EXTL3: variants seen among roughly 807,000 people sequenced by gnomAD.
EXTL3 encodes exostosin like glycosyltransferase 3.
Under a neutral mutation model 69.3 loss-of-function variants are expected in EXTL3, and 27 were observed. That is an observed-to-expected ratio of 0.39 (90% CI 0.29 to 0.54). The LOEUF (loss-of-function observed/expected upper bound fraction) is 0.54. Among genes scored for constraint, EXTL3 ranks in the 20% least tolerant of loss-of-function variants. The pLI, the probability that EXTL3 is intolerant of heterozygous loss-of-function variation, is 0.69. For missense variants in EXTL3, 1,003 were observed against 1,231.8 expected, an observed-to-expected ratio of 0.81 and a Z score of 2.78; for synonymous variants, 511 against 499.4, an observed-to-expected ratio of 1.02 and a Z score of -0.31.
At chr8:28,724,063 G>A (rs927513963) in intron 3 of EXTL3, among the ~76,000 whole-genome samples, 13 of 151,560 alleles carry the variant, frequency 8.6e-5, no homozygotes, top group African/African-American at 2.9e-4. Flanking sequence ...TATAGAAAAT[G>A]TATAAAAATT....
chr8:28,743,059 A>G lies in EXTL3; in HGVS notation c.2422-27A>G. 3.1e-6 allele frequency: 5 copies of G among 1,613,800 alleles called. No homozygotes were observed. The South Asian group carries it at 4.4e-5, about 14-fold the overall frequency. On this transcript the variant is annotated intron_variant, in intron 5 of 6. Coordinates refer to ENST00000220562, the MANE Select transcript of EXTL3 (RefSeq NM_001440.4). ...AACAACCTGTGTCTTGTAACAGAGC[A>G]TGTGGTTCTTTTTCTTCCCCTGACA...
At chr8:28,622,272 G>A (rs1266578836), upstream of EXTL3, among the ~76,000 whole-genome samples, 1 of 152,238 alleles carries the variant, frequency 6.6e-6, no homozygotes, top group Non-Finnish European at 1.5e-5. Context: ...CTAAGCATCC[G>A]GCTCATTTTC....
intron 1 of EXTL3, among the ~76,000 whole-genome samples, chr8:28,678,917 C>G (rs1000670695): frequency 6.6e-6 from 1 of 152,150 alleles, no homozygotes; most frequent in Non-Finnish European, 1.5e-5. Context: ...AGTGATAAAA[C>G]AAATACCAGG....
At chr8:28,661,571 C>T (rs1807116134) in intron 1 of EXTL3, among the ~76,000 whole-genome samples, 1 of 151,726 alleles carries the variant, frequency 6.6e-6, no homozygotes, top group Non-Finnish European at 1.5e-5. Context: ...GATATTAAGG[C>T]TGTATGTTAT....
intron 1 of EXTL3, among the ~76,000 whole-genome samples, chr8:28,651,638 A>T (rs1020313518): frequency 1.3e-5 from 2 of 152,170 alleles, no homozygotes; most frequent in Non-Finnish European, 2.9e-5. Flanking sequence ...AACAGTCTCT[A>T]ATTCCTGTAT....
chr8:28,618,985 G>A (rs1806365854), upstream of EXTL3, among the ~76,000 whole-genome samples: 1 of 150,594 alleles, frequency 6.6e-6, no homozygotes, highest in Non-Finnish European at 1.5e-5. Context: ...CCAGCTACTA[G>A]GGAGGCTGAG....
In EXTL3 at chr8:28,751,254, T is replaced by G; in HGVS notation, c.*388T>G. 1 of 251,356 alleles carries G rather than the reference T, an allele frequency of 4.0e-6. No individual in the cohort carries two copies. The highest frequency in any genetic ancestry group is 7.9e-6 in the Non-Finnish European group (1 of 127,368). 15.6% of individuals were successfully genotyped at this position (251,356 alleles called of 1,614,324 possible). ...TTGCCATTCAAGGCTTATTTATATATATGTGTGTGTATATAAATACATGCA... is the reference window on the plus strand; with the variant it reads ...TTGCCATTCAAGGCTTATTTATATAGATGTGTGTGTATATAAATACATGCA... On this transcript the variant is annotated 3_prime_UTR_variant, in exon 7 of 7. Transcript: ENST00000220562.
chr8:28,661,434 A>G (rs970487104), intron 1 of EXTL3, among the ~76,000 whole-genome samples: 2 of 152,082 alleles, frequency 1.3e-5, no homozygotes, highest in Non-Finnish European at 2.9e-5. Flanking sequence ...GCATATGAAT[A>G]GATAAGTATA....
chr8:28,669,519 G>A (rs1315061644), intron 1 of EXTL3, among the ~76,000 whole-genome samples: 3 of 152,228 alleles, frequency 2.0e-5, no homozygotes, highest in African/African-American at 7.2e-5. Context: ...ATGTCTGAGA[G>A]CTTTCAGAAG....
intron 1 of EXTL3, among the ~76,000 whole-genome samples, chr8:28,678,992 C>G (rs140488309): frequency 6.6e-6 from 1 of 152,280 alleles, no homozygotes; most frequent in African/African-American, 2.4e-5. Context: ...TCCCTTATAC[C>G]AGCTTCTTTG....
In EXTL3 at chr8:28,716,552, G is replaced by C. The variant is rs375243395; in HGVS notation, c.493G>C (p.Asp165His). 6.2e-7 allele frequency: 1 copy of C among 1,614,158 alleles called. No homozygotes were observed. The highest frequency in any genetic ancestry group is 8.5e-7 in the Non-Finnish European group (1 of 1,180,042). ...CATCCGACTGCTCCCAGAGAAGGAC[G>C]ATGCCGGCCTCCCTCCCCCGAAGGC... is the stretch of plus-strand genomic sequence containing the variant. ...LPIRLLPEKD[D>H]AGLPPPKATR... Residue 165 changes from aspartate (D) to histidine (H), a missense_variant, in exon 3 of 7, where the codon GAT becomes CAT. Coordinates refer to ENST00000220562, the MANE Select transcript of EXTL3 (RefSeq NM_001440.4). This position sits in a 1 kb window ranked among gnomAD's most constrained non-coding sequence, Gnocchi z 7.1.
At chr8:28,668,655 A>G (rs1252188953) in intron 1 of EXTL3, among the ~76,000 whole-genome samples, 1 of 151,858 alleles carries the variant, frequency 6.6e-6, no homozygotes, top group Admixed American at 6.6e-5. Context: ...TTAACTATTG[A>G]TGTTATTATT....
intron 1 of EXTL3, among the ~76,000 whole-genome samples, chr8:28,650,799 T>C (rs1350697131): frequency 6.6e-6 from 1 of 152,210 alleles, no homozygotes; most frequent in African/African-American, 2.4e-5. Flanking sequence ...GGGCTAATAT[T>C]ATACAGTCTA....
At position 28,709,687 on chromosome 8, in the gene EXTL3, T is replaced by G. The variant is rs1015563414; in HGVS notation, c.-569-3770T>G. ...AAGTTTCAATATCAGTGTTTTAGTT[T>G]TACAAGGAGAAAAGTCGAGTCTGTA... On this transcript the variant is annotated intron_variant, in intron 1 of 6. Transcript: ENST00000220562. Among the ~76,000 whole-genome samples, 146 of 152,316 alleles carry G rather than the reference T, an allele frequency of 9.6e-4. 1 individual carries two copies. Among genetic ancestry groups the G allele is most frequent in the African/African-American group, 3.2e-3 (132 of 41,558 alleles).
intron 1 of EXTL3, among the ~76,000 whole-genome samples, chr8:28,664,957 C>T (rs1394839979): frequency 6.6e-6 from 1 of 151,758 alleles, no homozygotes; most frequent in Non-Finnish European, 1.5e-5. Context: ...CTTTGGAATT[C>T]CTATGAAAGG....
rs184111930 is a variant in EXTL3, at chr8:28,735,984, C to T, written c.2277-1535C>T. 4.6e-5 allele frequency among the ~76,000 whole-genome samples: 7 copies of T among 152,170 alleles called. No homozygotes were observed. In the East Asian group the frequency reaches 1.4e-3, roughly 29 times the overall value. ...GAGACGGAGAGTAGAATAGGGGCTG[C>T]CGGGCTGTGGGAAGGTGGGAGTGGG... is the stretch of plus-strand genomic sequence containing the variant. On this transcript the variant is annotated intron_variant, in intron 4 of 6. Coordinates refer to ENST00000220562, the MANE Select transcript of EXTL3 (RefSeq NM_001440.4).
At chr8:28,619,302 A>C (rs892119510), upstream of EXTL3, among the ~76,000 whole-genome samples, 8 of 99,854 alleles carry the variant, frequency 8.0e-5, no homozygotes, top group South Asian at 3.2e-4. Context: ...AAAAAAAAAA[A>C]AAAAAAAAAA....
intron 4 of EXTL3, among the ~76,000 whole-genome samples, chr8:28,732,573 C>T (rs1198557005): frequency 1.3e-5 from 2 of 152,164 alleles, no homozygotes; most frequent in East Asian, 3.8e-4. Context: ...CCCCTCAGTC[C>T]TAGGTAGCCA....
chr8:28,742,672 C>G (rs889301481), intron 5 of EXTL3: 5 of 313,376 alleles, frequency 1.6e-5, no homozygotes, highest in Non-Finnish European at 3.1e-5. Context: ...TCGTGTGTTT[C>G]ATGGTTCTGT....
Sources: gnomAD v4.1 joint callset for allele counts (sites outside exome capture counted in the v4.1 genomes callset) on GRCh38, gnomAD v4.1.1 for gene constraint, Gnocchi (gnomAD v3.1) non-coding constraint, MANE v1.5 for transcripts, NCBI Gene and HGNC (gene_info 2026-07-23, HGNC 2026-07-21) for gene names.